Variants in DNAJC10 observed in about 807,000 individuals in gnomAD.
DNAJC10 encodes endoplasmic reticulum disulfide reductase DNAJC10.
DNAJC10 carries 101 observed loss-of-function variants against 115.0 expected under a neutral mutation model. The ratio of observed to expected loss-of-function variants is 0.88; its 90% CI spans 0.75 to 1.04. DNAJC10 has a LOEUF of 1.04. Ranked by LOEUF, DNAJC10 falls within the 50% of genes least tolerant of loss-of-function variation. The pLI is 0.00. For missense variants in DNAJC10, 981 were observed against 928.8 expected (o/e 1.06, Z -0.73); for synonymous variants, 307 against 301.5 (o/e 1.02, Z -0.19).
chr2:182,763,748 G>T (rs567468146), intron 22 of DNAJC10, among the ~76,000 whole-genome samples: 2 of 152,206 alleles, frequency 1.3e-5, no homozygotes, highest in African/African-American at 4.8e-5. Flanking sequence ...CTCCCCCGAT[G>T]TCTCCCTCTT....
intron 5 of DNAJC10, 74 bp from the exon 6 acceptor site, chr2:182,728,502 A>G: frequency 1.8e-6 from 2 of 1,082,520 alleles, no homozygotes; most frequent in Non-Finnish European, 1.4e-6. Context: ...GATCTCCACA[A>G]AAAGTTTTTA....
At chr2:182,754,640 A>G (rs555794651) in intron 16 of DNAJC10, 2 of 400,798 alleles carry the variant, frequency 5.0e-6, no homozygotes, top group African/African-American at 4.3e-5. Flanking sequence ...ATTATGGTTT[A>G]AAAAAAAGAC....
intron 15 of DNAJC10, 131 bp downstream of exon 15, chr2:182,751,916 A>G (rs899155316): frequency 1.6e-6 from 2 of 1,279,858 alleles, no homozygotes; most frequent in African/African-American, 1.5e-5. Context: ...ACTAATGCAT[A>G]TTGCTTTTAA....
intron 22 of DNAJC10, among the ~76,000 whole-genome samples, chr2:182,771,890 C>T (rs288289): frequency 0.68 from 103,368 of 151,964 alleles, 35,831 homozygotes; most frequent in African/African-American, 0.8. Context: ...CTTGCTTCTC[C>T]AGTTCTTTTA....
At chr2:182,757,532 A>G (rs1356918115) in intron 18 of DNAJC10, among the ~76,000 whole-genome samples, 160 bp from the exon 19 acceptor site, 1 of 152,206 alleles carries the variant, frequency 6.6e-6, no homozygotes, top group Non-Finnish European at 1.5e-5. Flanking sequence ...ATTCATTAGT[A>G]TAAATGGTCT....
At chr2:182,746,114 A>G (rs1213965183) in intron 14 of DNAJC10, among the ~76,000 whole-genome samples, 4 of 152,162 alleles carry the variant, frequency 2.6e-5, no homozygotes, top group African/African-American at 9.6e-5. Flanking sequence ...ATATGTGCCC[A>G]TTTTCTTAAT....
At chr2:182,746,290 T>C (rs898970562) in intron 14 of DNAJC10, among the ~76,000 whole-genome samples, 1 of 152,238 alleles carries the variant, frequency 6.6e-6, no homozygotes, top group Non-Finnish European at 1.5e-5. Flanking sequence ...TTTCCAGTTC[T>C]AGATCCCTGA....
rs908470443 is a variant in DNAJC10, at chr2:182,782,233, G to A, written c.*5101G>A. 1.3e-5 allele frequency: 2 copies of A among 152,062 alleles called. No homozygotes were observed. Among genetic ancestry groups the A allele is most frequent in the Non-Finnish European group, 2.9e-5 (2 of 68,026 alleles). 9.4% of individuals were successfully genotyped at this position (152,062 alleles called of 1,614,324 possible). ...TTTCCCCATTGCTTGTTTTTGTCAGGTTTGTCAAAGATCAGATGGTTGTAG... is the reference window on the plus strand; with the variant it reads ...TTTCCCCATTGCTTGTTTTTGTCAGATTTGTCAAAGATCAGATGGTTGTAG... On this transcript the variant is annotated 3_prime_UTR_variant, in exon 24 of 24. Coordinates refer to ENST00000264065, the MANE Select transcript of DNAJC10 (RefSeq NM_018981.4).
In DNAJC10 at chr2:182,716,291, C is replaced by G. The variant is rs1489222367; in HGVS notation, c.-396C>G. 4 of 152,450 alleles carry G rather than the reference C, an allele frequency of 2.6e-5. No individual in the cohort carries two copies. Among genetic ancestry groups the G allele is most frequent in the African/African-American group, 7.2e-5 (3 of 41,484 alleles). 9.4% of individuals were successfully genotyped at this position (152,450 alleles called of 1,614,324 possible). ...CCGTGGAGACCGGCGCGTGAGGAAC[C>G]TACCGGTACCGGCCGCGCGCTGGTA... On this transcript the variant is annotated 5_prime_UTR_variant, in exon 1 of 24. Transcript: ENST00000264065.
At chr2:182,726,634 C>CTTACA (rs1693291908) in intron 5 of DNAJC10, among the ~76,000 whole-genome samples, 1 of 152,150 alleles carries the variant, frequency 6.6e-6, no homozygotes, top group Non-Finnish European at 1.5e-5. Flanking sequence ...CACAGCCACC[C>CTTACA]CAACCTTACA....
At position 182,740,349 on chromosome 2, in the gene DNAJC10, T is replaced by A; in HGVS notation, c.1038T>A (p.Asn346Lys). Residue 346 changes from asparagine (N) to lysine (K), a missense_variant, in exon 12 of 24, where the codon AAT becomes AAA. Asn to Lys is a moderately conservative substitution (Grantham distance 94, BLOSUM62 0). Coordinates refer to ENST00000264065, the MANE Select transcript of DNAJC10 (RefSeq NM_018981.4). The stretch of plus-strand genomic sequence containing the variant: ...AAATATATTTGGAAGTAATACATAA[T>A]CTTCCAGATTTTGAACTACTTTCGG... ...AKEIYLEVIH[N>K]LPDFELLSAN... 1.3e-6 allele frequency: 2 copies of A among 1,564,960 alleles called. No homozygotes were observed. The highest frequency in any genetic ancestry group is 1.7e-6 in the Non-Finnish European group (2 of 1,156,794).
In DNAJC10 at chr2:182,784,833, C is replaced by A. The variant is rs972609580; in HGVS notation, c.*7701C>A. 18 of 152,102 alleles carry A rather than the reference C, an allele frequency of 1.2e-4. No homozygotes were observed. The highest frequency in any genetic ancestry group is 3.4e-4 in the African/African-American group (14 of 41,406). 9.4% of individuals were successfully genotyped at this position (152,102 alleles called of 1,614,324 possible). A position where few individuals can be genotyped will look rare whatever the true frequency, so the allele number is the denominator to read the frequency against. On this transcript the variant is annotated 3_prime_UTR_variant, in exon 24 of 24. Coordinates refer to ENST00000264065, the MANE Select transcript of DNAJC10 (RefSeq NM_018981.4). ...TAATTTCTTGTTGCTCTGTGTAAAT[C>A]CCTCTGATAGGCTTCCCTGAAGGAT...
rs1294281190 is a variant in DNAJC10 at position 182,789,409 on chromosome 2, C to T, written c.*12277C>T. The T allele has an allele frequency of 6.6e-6, 1 of 152,434 alleles. No homozygotes were observed. The highest frequency in any genetic ancestry group is 6.5e-5 in the Admixed American group (1 of 15,272). The allele number at this position is 152,434 out of a possible 1,614,324, so 9.4% of individuals were successfully genotyped here. Reference sequence around the variant, plus strand: ...CTAATTTTTGTATGTTTAACGGAGACAAGGTTTTAGTGTGTTGGCCAGGCT... The same window carrying T: ...CTAATTTTTGTATGTTTAACGGAGATAAGGTTTTAGTGTGTTGGCCAGGCT... On this transcript the variant is annotated 3_prime_UTR_variant, in exon 24 of 24. Transcript: ENST00000264065.
chr2:182,776,479 A>ACAAT (rs1420612388), intron 23 of DNAJC10, among the ~76,000 whole-genome samples: 7 of 152,234 alleles, frequency 4.6e-5, no homozygotes, highest in Admixed American at 1.3e-4. Flanking sequence ...GGAATTTAAT[A>ACAAT]CAATCACATG....
intron 14 of DNAJC10, 63 bp from the exon 15 acceptor site, chr2:182,751,595 A>T: frequency 6.5e-7 from 1 of 1,545,252 alleles, no homozygotes; most frequent in Non-Finnish European, 8.8e-7. Flanking sequence ...TAAAACTTTG[A>T]AATGTCTCTG....
At chr2:182,738,910 A>C (rs999470206) in intron 11 of DNAJC10, among the ~76,000 whole-genome samples, 1 of 152,112 alleles carries the variant, frequency 6.6e-6, no homozygotes, top group Non-Finnish European at 1.5e-5. Context: ...TTCAGAGGCT[A>C]GATAAGACAG....
At chr2:182,751,195 C>T (rs1177328463) in intron 14 of DNAJC10, among the ~76,000 whole-genome samples, 1 of 115,856 alleles carries the variant, frequency 8.6e-6, no homozygotes, top group Non-Finnish European at 1.6e-5. Flanking sequence ...AGTGCAGTGT[C>T]GAGATCACTG....
chr2:182,777,253 T>A lies in DNAJC10; in HGVS notation c.*121T>A. 1 of 602,346 alleles carries A rather than the reference T, an allele frequency of 1.7e-6. No homozygotes were observed. The highest frequency in any genetic ancestry group is 2.6e-6 in the Non-Finnish European group (1 of 383,446). The allele number at this position is 602,346 out of a possible 1,614,324, so 37.3% of individuals were successfully genotyped here. ...GAACATTATCTTAGACTTGCAGTTGTACTGCCAGAATTATCTACAGCACTG... is the reference window on the plus strand; with the variant it reads ...GAACATTATCTTAGACTTGCAGTTGAACTGCCAGAATTATCTACAGCACTG... On this transcript the variant is annotated 3_prime_UTR_variant, in exon 24 of 24. Coordinates refer to ENST00000264065, the MANE Select transcript of DNAJC10 (RefSeq NM_018981.4).
intron 10 of DNAJC10, among the ~76,000 whole-genome samples, 161 bp from the exon 11 acceptor site, chr2:182,736,088 T>G (rs1454161762): frequency 4.0e-5 from 6 of 149,826 alleles, no homozygotes; most frequent in Non-Finnish European, 8.9e-5. Flanking sequence ...TTAAGTAATT[T>G]ATAATATTAG....
Sources: allele counts gnomAD v4.1 joint callset (sites outside exome capture counted in the v4.1 genomes callset), GRCh38; gene constraint gnomAD v4.1.1; transcripts MANE v1.5; gene names NCBI Gene and HGNC (gene_info 2026-07-23, HGNC 2026-07-21).